The following GABRA3 variants were observed in gnomAD, a reference collection of about 807,000 sequenced individuals.
The protein encoded by GABRA3 is gamma-aminobutyric acid receptor subunit alpha-3.
Under a neutral mutation model 30.1 loss-of-function variants are expected in GABRA3, and 10 were observed. The observed-to-expected ratio is 0.33, with a 90% confidence interval of 0.20 to 0.56. The LOEUF (loss-of-function observed/expected upper bound fraction) is 0.56. GABRA3 is among the 20% of genes least tolerant of loss of function. The pLI is 0.89. For synonymous variants in GABRA3, 151 were observed against 146.8 expected, an observed-to-expected ratio of 1.03 and a Z score of -0.21; for missense variants, 233 against 392.0, an observed-to-expected ratio of 0.59 and a Z score of 3.42.
At chrX:152,329,137 A>C (rs1203808279) in intron 3 of GABRA3, among the ~76,000 whole-genome samples, 3 of 111,597 alleles carry the variant, frequency 2.7e-5, no homozygotes, top group African/African-American at 9.8e-5. Flanking sequence ...TCCAACTTAC[A>C]AGGGACATGA....
chrX:152,421,910 C>A (rs963775274), intron 1 of GABRA3, among the ~76,000 whole-genome samples: 16 of 110,904 alleles, frequency 1.4e-4, no homozygotes, highest in Non-Finnish European at 2.3e-4. Context: ...AATTGGTGGG[C>A]AGGATGGAGA....
At chrX:152,274,611 T>C (rs1426706191) in intron 4 of GABRA3, among the ~76,000 whole-genome samples, 2 of 111,010 alleles carry the variant, frequency 1.8e-5, no homozygotes, top group East Asian at 5.6e-4. Flanking sequence ...AAGTGAACAA[T>C]AGTGAAAATG....
At chrX:152,187,878 C>T (rs1182214959) in intron 9 of GABRA3, among the ~76,000 whole-genome samples, 1 of 112,065 alleles carries the variant, frequency 8.9e-6, no homozygotes, top group Non-Finnish European at 1.9e-5. Context: ...AAGAAAATGA[C>T]CTATTGAGTA....
rs1188884598 is a variant in GABRA3, at chrX:152,428,637, A to C, written c.-27+22509T>G. Among the ~76,000 whole-genome samples the C allele has an allele frequency of 3.6e-5, 4 of 110,672 alleles. No individual in the cohort carries two copies. In the East Asian group the frequency reaches 1.1e-3, roughly 31 times the overall value. ...CCAGGATCCCCAAATGCTTGTGGAA[A>C]CTGTGTCATTTATAGATTCCTAAAC... On this transcript the variant is annotated intron_variant, in intron 1 of 9. Coordinates refer to ENST00000370314, the MANE Select transcript of GABRA3 (RefSeq NM_000808.4).
intron 7 of GABRA3, among the ~76,000 whole-genome samples, chrX:152,202,804 G>A (rs1467411104): frequency 8.9e-6 from 1 of 112,106 alleles, no homozygotes; most frequent in African/African-American, 3.2e-5. Flanking sequence ...TTTAAAAATG[G>A]AAATAATGCA....
intron 2 of GABRA3, among the ~76,000 whole-genome samples, chrX:152,363,441 T>C (rs974175620): frequency 9.0e-6 from 1 of 111,626 alleles, no homozygotes; most frequent in African/African-American, 3.3e-5. Flanking sequence ...AGACTATGCC[T>C]TTCTCCAGGG....
chrX:152,235,174 A>T (rs1219994376), intron 5 of GABRA3, among the ~76,000 whole-genome samples: 2 of 111,297 alleles, frequency 1.8e-5, no homozygotes, highest in African/African-American at 3.3e-5. Flanking sequence ...CGTTGTTGAG[A>T]TCTTTCACCT....
chrX:152,428,032 C>T (rs1343244971), intron 1 of GABRA3, among the ~76,000 whole-genome samples: 1 of 112,290 alleles, frequency 8.9e-6, no homozygotes, highest in East Asian at 2.8e-4. Flanking sequence ...CAGGTAATAG[C>T]TAAAAGTATT....
chrX:152,428,457 A>G (rs995109978), intron 1 of GABRA3, among the ~76,000 whole-genome samples: 2 of 112,396 alleles, frequency 1.8e-5, no homozygotes, highest in African/African-American at 6.5e-5. Flanking sequence ...GGAATGTGCA[A>G]TGTGCATAGT....
chrX:152,345,615 G>A lies in GABRA3; in HGVS notation c.228C>T (p.Asp76=), dbSNP rs201122592. 28 of 1,206,715 alleles carry A rather than the reference G, an allele frequency of 2.3e-5. No homozygotes were observed. In the East Asian group the frequency reaches 2.4e-4, roughly 10 times the overall value. Residue 76 remains aspartate, a synonymous_variant, in exon 3 of 10, where the codon GAC becomes GAT. Coordinates refer to ENST00000370314, the MANE Select transcript of GABRA3 (RefSeq NM_000808.4). ...IFTRILDRLL[D]GYDNRLRPGL... is the part of the protein sequence containing the mutation. ...CAGGTCGCAGCCGGTTGTCATAGCC[G>A]TCCAGAAGACGATCCAAGATTCTGG...
chrX:152,385,250 C>A (rs184309142), intron 1 of GABRA3, among the ~76,000 whole-genome samples: 11 of 111,645 alleles, frequency 9.9e-5, no homozygotes, highest in African/African-American at 3.2e-4. Flanking sequence ...TGTACTATTT[C>A]TACTGTTAGA....
At chrX:152,444,732 G>GGTTTTTTTTTTTTTTTTTT (rs1931019495) in intron 1 of GABRA3, among the ~76,000 whole-genome samples, 3 of 23,230 alleles carry the variant, frequency 1.3e-4, no homozygotes, top group Non-Finnish European at 2.3e-4. Context: ...TAATACTTGT[G>GGTTTTTTTTTTTTTTTTTT]TGTTTTTTTT....
chrX:152,199,066 A>G lies in GABRA3; in HGVS notation c.779-1281T>C, dbSNP rs182642437. ...CAGACACACAGGGAGAAGGATACGTAAAAAGCAGGCAGAGGGCTGGGTGCG... is the reference window on the plus strand; with the variant it reads ...CAGACACACAGGGAGAAGGATACGTGAAAAGCAGGCAGAGGGCTGGGTGCG... On this transcript the variant is annotated intron_variant, in intron 7 of 9. Transcript: ENST00000370314. Among the ~76,000 whole-genome samples the G allele has an allele frequency of 5.1e-3, 566 of 111,717 alleles. 5 individuals carry two copies. The highest frequency in any genetic ancestry group is 0.017 in the African/African-American group (532 of 30,817).
intron 3 of GABRA3, among the ~76,000 whole-genome samples, chrX:152,320,959 CA>C (rs1383525974): frequency 9.0e-6 from 1 of 111,536 alleles, no homozygotes; most frequent in Non-Finnish European, 1.9e-5. Flanking sequence ...CTAAAATAAA[CA>C]AAAAACATTT....
In GABRA3 at chrX:152,368,610, A is replaced by G. The variant is rs1236877290; in HGVS notation, c.-26-4014T>C. Among the ~76,000 whole-genome samples, 4 of 110,694 alleles carry G rather than the reference A, an allele frequency of 3.6e-5. 1 individual carries two copies. In the South Asian group the frequency reaches 1.2e-3, roughly 32 times the overall value. On this transcript the variant is annotated intron_variant, in intron 1 of 9. Transcript: ENST00000370314. ...ACGCTGCATTAACATGGAAGTGCAT[A>G]TATCTCTTCAACATACTAATTTAAT...
At chrX:152,200,168 G>A (rs1009989502) in intron 7 of GABRA3, among the ~76,000 whole-genome samples, 1 of 111,718 alleles carries the variant, frequency 9.0e-6, no homozygotes, top group Non-Finnish European at 1.9e-5. Flanking sequence ...CCCCAAAATA[G>A]TCCCCAAAGA....
chrX:152,276,895 CTTCACGGTTG>C (rs2124432987), intron 4 of GABRA3, among the ~76,000 whole-genome samples: 1 of 111,719 alleles, frequency 9.0e-6, no homozygotes, highest in South Asian at 3.7e-4. Context: ...ACAAAAGCAA[CTTCACGGTTG>C]TGAATATCTT....
At chrX:152,360,463 C>T (rs770260491) in intron 2 of GABRA3, among the ~76,000 whole-genome samples, 70 of 99,368 alleles carry the variant, frequency 7.0e-4, no homozygotes, top group African/African-American at 2.4e-3. Context: ...AACCAAACAC[C>T]GCATATTCTC....
At chrX:152,360,163 G>T (rs1345571432) in intron 2 of GABRA3, among the ~76,000 whole-genome samples, 2 of 85,027 alleles carry the variant, frequency 2.4e-5, no homozygotes, top group African/African-American at 8.8e-5. Flanking sequence ...ATGATTTATA[G>T]TCCTTTGGGT....
Sources: gnomAD v4.1 joint callset for allele counts (sites outside exome capture counted in the v4.1 genomes callset) on GRCh38, gnomAD v4.1.1 for gene constraint, MANE v1.5 for transcripts, NCBI Gene and HGNC (gene_info 2026-07-23, HGNC 2026-07-21) for gene names.